TSPAN15: variants seen among roughly 807,000 people sequenced by gnomAD.
The protein encoded by TSPAN15 is tetraspanin 15, also known as tetraspanin-15.
In TSPAN15, 20 loss-of-function variants were observed where a neutral mutation model predicts 34.5. The ratio of observed to expected loss-of-function variants is 0.58; its 90% CI spans 0.41 to 0.84. TSPAN15 has a LOEUF of 0.84. Among genes scored for constraint, TSPAN15 ranks in the 40% least tolerant of loss-of-function variants. TSPAN15 has a pLI of 0.00. For missense variants in TSPAN15, 313 were observed against 386.1 expected (o/e 0.81, Z 1.59); for synonymous variants, 155 against 153.9 (o/e 1.01, Z -0.05).
At chr10:69,479,604 C>G (rs1468191186) in intron 1 of TSPAN15, among the ~76,000 whole-genome samples, 2 of 152,206 alleles carry the variant, frequency 1.3e-5, no homozygotes, top group Admixed American at 6.5e-5. Flanking sequence ...AGCTGAGTGG[C>G]CGGCTGCCTA....
chr10:69,476,683 G>A (rs1266469786), intron 1 of TSPAN15, among the ~76,000 whole-genome samples: 1 of 152,088 alleles, frequency 6.6e-6, no homozygotes, highest in Non-Finnish European at 1.5e-5. Flanking sequence ...AAGAAGTCCT[G>A]TCCAGAGTCA....
chr10:69,490,959 G>T (rs1163826992), intron 3 of TSPAN15, among the ~76,000 whole-genome samples: 2 of 152,238 alleles, frequency 1.3e-5, no homozygotes, highest in African/African-American at 4.8e-5. Flanking sequence ...AGAGCGGTCG[G>T]CCTTACAGAA....
chr10:69,543,844 A>AGTGTGTGTGTGTGTGT, the TSPAN15 span, among the ~76,000 whole-genome samples: 250 of 73,802 alleles, frequency 3.4e-3, 6 homozygotes, highest in East Asian at 9.1e-3. Flanking sequence ...GAAGAAGGGG[A>AGTGTGTGTGTGTGTGT]GTGTGTGTGT....
chr10:69,529,002 G>A, the TSPAN15 span, among the ~76,000 whole-genome samples: 1 of 148,234 alleles, frequency 6.7e-6, no homozygotes, highest in East Asian at 2.5e-4. Flanking sequence ...TGAAGGTGGG[G>A]CCTCACTGGG....
the TSPAN15 span, among the ~76,000 whole-genome samples, chr10:69,549,224 C>T: frequency 6.6e-5 from 10 of 152,296 alleles, 1 homozygote; most frequent in East Asian, 1.5e-3. Flanking sequence ...TAACCCTGTT[C>T]TGGGAAGGCC....
chr10:69,453,001 T>TATGG (rs1232656817), intron 1 of TSPAN15, among the ~76,000 whole-genome samples: 1 of 152,222 alleles, frequency 6.6e-6, no homozygotes, highest in African/African-American at 2.4e-5. Context: ...GTTACTGACT[T>TATGG]ATGGATATCT....
chr10:69,532,886 CAAAAG>C, the TSPAN15 span, among the ~76,000 whole-genome samples: 1 of 152,096 alleles, frequency 6.6e-6, no homozygotes, highest in Admixed American at 6.6e-5. Flanking sequence ...AATAAATTCT[CAAAAG>C]AAGGTATACA....
chr10:69,533,988 G>A, the TSPAN15 span, among the ~76,000 whole-genome samples: 4 of 152,144 alleles, frequency 2.6e-5, no homozygotes, highest in Non-Finnish European at 1.5e-5. Context: ...GGGAGCAGAG[G>A]AAAAACAGTT....
At chr10:69,467,023 A>C (rs1415803591) in intron 1 of TSPAN15, among the ~76,000 whole-genome samples, 1 of 151,626 alleles carries the variant, frequency 6.6e-6, no homozygotes, top group Non-Finnish European at 1.5e-5. Flanking sequence ...CCTGACCTTT[A>C]CCTCCTTTCC....
chr10:69,474,814 C>CAG (rs960280833), intron 1 of TSPAN15, among the ~76,000 whole-genome samples: 2 of 152,142 alleles, frequency 1.3e-5, no homozygotes, highest in Non-Finnish European at 2.9e-5. Flanking sequence ...CAACCCCAGA[C>CAG]AGAGGATGCT....
the TSPAN15 span, among the ~76,000 whole-genome samples, chr10:69,540,237 T>A: frequency 1.2e-4 from 18 of 152,124 alleles, no homozygotes; most frequent in East Asian, 3.1e-3. Flanking sequence ...CAAAAAACAT[T>A]TAAAAAAATT....
At chr10:69,499,945 C>A (rs1842169317) in intron 5 of TSPAN15, among the ~76,000 whole-genome samples, 1 of 152,082 alleles carries the variant, frequency 6.6e-6, no homozygotes, top group Admixed American at 6.5e-5. Context: ...TCAGGGAGGT[C>A]ATGGGTACCC....
At chr10:69,523,326 C>A in the TSPAN15 span, 2 of 500,814 alleles carry the variant, frequency 4.0e-6, no homozygotes, top group Non-Finnish European at 7.2e-6. Flanking sequence ...CCAAAGAAAG[C>A]CAGCCCAAGA....
At chr10:69,484,227 G>T (rs376901960) in intron 2 of TSPAN15, 2 of 192,942 alleles carry the variant, frequency 1.0e-5, no homozygotes, top group South Asian at 1.5e-4. Flanking sequence ...GGGTCCAGGG[G>T]TTTAGATGGC....
chr10:69,538,050 C>G, the TSPAN15 span, among the ~76,000 whole-genome samples: 1 of 152,200 alleles, frequency 6.6e-6, no homozygotes, highest in Non-Finnish European at 1.5e-5. Flanking sequence ...AGAGGAAGCC[C>G]TGGAGTCTCT....
chr10:69,530,226 G>C, the TSPAN15 span, among the ~76,000 whole-genome samples: 1 of 147,568 alleles, frequency 6.8e-6, no homozygotes, highest in Non-Finnish European at 1.5e-5. Context: ...CTTCTGCCCT[G>C]TTCCATTAGC....
chr10:69,507,790 C>T (rs1208434877), downstream of TSPAN15: 26 of 529,544 alleles, frequency 4.9e-5, no homozygotes, highest in Non-Finnish European at 6.4e-5. Context: ...TTTGGCATAG[C>T]TTGGGATACA....
chr10:69,541,568 C>T, the TSPAN15 span, among the ~76,000 whole-genome samples: 1 of 152,240 alleles, frequency 6.6e-6, no homozygotes, highest in Non-Finnish European at 1.5e-5. Flanking sequence ...GCAGTGGGCT[C>T]CATCCCCACA....
chr10:69,520,709 C>T, the TSPAN15 span, among the ~76,000 whole-genome samples: 1 of 152,158 alleles, frequency 6.6e-6, no homozygotes, highest in African/African-American at 2.4e-5. Context: ...TTATGTTTAT[C>T]CATTTATCTA....
Sources: gnomAD v4.1 joint callset for allele counts (sites outside exome capture counted in the v4.1 genomes callset) on GRCh38, gnomAD v4.1.1 for gene constraint, MANE v1.5 for transcripts, NCBI Gene and HGNC (gene_info 2026-07-23, HGNC 2026-07-21) for gene names.